The following MYOCOS variants were observed in gnomAD, a reference collection of about 807,000 sequenced individuals.
MYOCOS encodes the protein myocilin opposite strand.
At chr1:171,618,982 A>G (rs1378689616), upstream of MYOCOS, among the ~76,000 whole-genome samples, 2 of 152,150 alleles carry the variant, frequency 1.3e-5, no homozygotes, top group African/African-American at 4.8e-5. Flanking sequence ...ATTTCAAACT[A>G]TTTTTCAAGT....
chr1:171,619,586 T>C (rs959565488), upstream of MYOCOS, among the ~76,000 whole-genome samples: 2 of 152,190 alleles, frequency 1.3e-5, no homozygotes, highest in Admixed American at 1.3e-4. Context: ...CAGTGGTTCA[T>C]GCTTGTAATC....
At chr1:171,605,395 A>ACAC (rs1553253249) in intron 1 of MYOCOS, among the ~76,000 whole-genome samples, 1 of 114,728 alleles carries the variant, frequency 8.7e-6, no homozygotes, top group Non-Finnish European at 1.8e-5. Context: ...ACACACACAC[A>ACAC]AAAAAAAAAA....
At chr1:171,602,355 C>T (rs1652160403) in intron 1 of MYOCOS, among the ~76,000 whole-genome samples, 1 of 151,978 alleles carries the variant, frequency 6.6e-6, no homozygotes, top group African/African-American at 2.4e-5. Flanking sequence ...TAAAATGTAC[C>T]TTTAGTAAAA....
At chr1:171,618,943 C>T (rs1017372754), upstream of MYOCOS, among the ~76,000 whole-genome samples, 1 of 152,118 alleles carries the variant, frequency 6.6e-6, no homozygotes, top group African/African-American at 2.4e-5. Context: ...CATGAGTATC[C>T]TCACAACCAG....
At chr1:171,608,029 G>A (rs1047174358) in intron 1 of MYOCOS, among the ~76,000 whole-genome samples, 5 of 152,158 alleles carry the variant, frequency 3.3e-5, no homozygotes, top group African/African-American at 9.7e-5. Context: ...TTATAAAATC[G>A]TCAGATCTCA....
intron 1 of MYOCOS, among the ~76,000 whole-genome samples, chr1:171,603,327 T>C (rs1255065600): frequency 6.6e-6 from 1 of 152,238 alleles, no homozygotes; most frequent in Non-Finnish European, 1.5e-5. Flanking sequence ...CTCTGCCGCA[T>C]AACTAGAGTG....
chr1:171,605,512 GC>G (rs1463550522), intron 1 of MYOCOS, among the ~76,000 whole-genome samples: 1 of 151,704 alleles, frequency 6.6e-6, no homozygotes, highest in Non-Finnish European at 1.5e-5. Flanking sequence ...GGACTGGACG[GC>G]CCCCACCAGG....
intron 1 of MYOCOS, among the ~76,000 whole-genome samples, chr1:171,613,156 C>T (rs1296206116): frequency 6.6e-6 from 1 of 152,170 alleles, no homozygotes; most frequent in East Asian, 1.9e-4. Flanking sequence ...GTCCCTAGAT[C>T]TCTGTGGGAA....
At chr1:171,602,946 G>A (rs1652170836) in intron 1 of MYOCOS, among the ~76,000 whole-genome samples, 1 of 152,204 alleles carries the variant, frequency 6.6e-6, no homozygotes, top group South Asian at 2.1e-4. Flanking sequence ...GTTATAAAAA[G>A]CAATTGTTAT....
intron 2 of MYOCOS, among the ~76,000 whole-genome samples, chr1:171,625,394 T>C (rs1181454843): frequency 1.3e-5 from 2 of 152,348 alleles, no homozygotes; most frequent in South Asian, 2.1e-4. Flanking sequence ...ATTCCAGTTC[T>C]GCCTTCTACT....
chr1:171,626,199 T>TG (rs1652693207), intron 2 of MYOCOS, among the ~76,000 whole-genome samples: 2 of 152,008 alleles, frequency 1.3e-5, no homozygotes, highest in Admixed American at 1.3e-4. Flanking sequence ...CCTCCCACCT[T>TG]GGCCTCCCAA....
intron 1 of MYOCOS, among the ~76,000 whole-genome samples, chr1:171,613,841 C>T (rs1202287880): frequency 6.6e-6 from 1 of 151,950 alleles, no homozygotes; most frequent in African/African-American, 2.4e-5. Flanking sequence ...AAATCCTCAG[C>T]CTTATCCTCA....
chr1:171,619,591 G>A (rs1652516799), upstream of MYOCOS, among the ~76,000 whole-genome samples: 2 of 152,168 alleles, frequency 1.3e-5, no homozygotes, highest in Admixed American at 1.3e-4. Flanking sequence ...GTTCATGCTT[G>A]TAATCCCAAC....
intron 2 of MYOCOS, among the ~76,000 whole-genome samples, chr1:171,624,633 GTA>G (rs954973072): frequency 6.6e-6 from 1 of 151,800 alleles, no homozygotes; most frequent in African/African-American, 2.4e-5. Flanking sequence ...TTTTTTTTTA[GTA>G]GAGACGGGGT....
At chr1:171,616,505 C>T (rs1043632371) in intron 2 of MYOCOS, among the ~76,000 whole-genome samples, 9 of 152,176 alleles carry the variant, frequency 5.9e-5, no homozygotes, top group African/African-American at 2.2e-4. Flanking sequence ...CATGCCATTG[C>T]ACTCCAGCCT....
At chr1:171,624,777 T>A (rs1652660771) in intron 2 of MYOCOS, among the ~76,000 whole-genome samples, 2 of 151,872 alleles carry the variant, frequency 1.3e-5, no homozygotes, top group African/African-American at 4.8e-5. Flanking sequence ...AGAAACAGGG[T>A]TTTGCCATGT....
chr1:171,624,585 C>T (rs950792685), intron 2 of MYOCOS, among the ~76,000 whole-genome samples: 3 of 151,944 alleles, frequency 2.0e-5, no homozygotes, highest in East Asian at 3.9e-4. Context: ...CACAGGCGCC[C>T]GCCACGACGC....
intron 1 of MYOCOS, among the ~76,000 whole-genome samples, chr1:171,622,998 G>C (rs1652604181): frequency 6.6e-6 from 1 of 152,182 alleles, no homozygotes; most frequent in South Asian, 2.1e-4. Context: ...GAAGGCCAAG[G>C]AGGGCAGATT....
upstream of MYOCOS, among the ~76,000 whole-genome samples, chr1:171,621,518 G>A (rs1009690328): frequency 4.6e-5 from 7 of 151,712 alleles, no homozygotes; most frequent in Non-Finnish European, 1.5e-5. Context: ...TGGGACTACA[G>A]GCACCCGCCA....
Sources: allele counts gnomAD v4.1 joint callset (sites outside exome capture counted in the v4.1 genomes callset), GRCh38; gene constraint gnomAD v4.1.1; transcripts MANE v1.5; gene names NCBI Gene and HGNC (gene_info 2026-07-23, HGNC 2026-07-21).